The following ADAMTS6 variants were observed in gnomAD, a reference collection of about 807,000 sequenced individuals.
The protein encoded by ADAMTS6 is A disintegrin and metalloproteinase with thrombospondin motifs 6.
In ADAMTS6, 23 loss-of-function variants were observed where a neutral mutation model predicts 144.3. That is an observed-to-expected ratio of 0.16 (90% CI 0.11 to 0.23). The LOEUF is 0.23. Ranked by LOEUF, ADAMTS6 falls within the 10% of genes least tolerant of loss-of-function variation. ADAMTS6 has a pLI of 1.00. For synonymous variants in ADAMTS6, 444 were observed against 457.5 expected (o/e 0.97, Z 0.38); for missense variants, 999 against 1,379.6 (o/e 0.72, Z 4.37).
chr5:65,399,375 T>C (rs879736834), intron 7 of ADAMTS6, among the ~76,000 whole-genome samples: 1 of 152,248 alleles, frequency 6.6e-6, no homozygotes, highest in Admixed American at 6.5e-5. Flanking sequence ...TCACAATATT[T>C]ATTAATACAG....
At chr5:65,206,744 T>C (rs1756115829) in intron 20 of ADAMTS6, among the ~76,000 whole-genome samples, 1 of 137,372 alleles carries the variant, frequency 7.3e-6, no homozygotes, top group Non-Finnish European at 1.6e-5. Context: ...ACTCAAAAAG[T>C]AAAATAAAAA....
intron 7 of ADAMTS6, among the ~76,000 whole-genome samples, chr5:65,414,443 A>G (rs1755325880): frequency 6.6e-6 from 1 of 152,096 alleles, no homozygotes; most frequent in African/African-American, 2.4e-5. Flanking sequence ...GGTCAAGGGA[A>G]AGATTTTGCC....
Position 65,452,773 on chromosome 5 carries a change from G to A in ADAMTS6, c.777C>T (p.Asp259=). ...GGCCATGGTAGCCCACCATCATTTT[G>A]TCTGCCACTACCAATGTCTCCACAA... ...ERFVETLVVA[D]KMMVGYHGRK... Residue 259 remains aspartate, a synonymous_variant, in exon 5 of 25, where the codon GAC becomes GAT. Coordinates refer to ENST00000381055, the MANE Select transcript of ADAMTS6 (RefSeq NM_197941.4). 6.2e-7 allele frequency: 1 copy of A among 1,614,028 alleles called. No individual in the cohort carries two copies. The highest frequency in any genetic ancestry group is 1.6e-4 in the Middle Eastern group (1 of 6,062).
intron 21 of ADAMTS6, among the ~76,000 whole-genome samples, chr5:65,190,629 G>A (rs1317766123): frequency 6.6e-6 from 1 of 152,164 alleles, no homozygotes; most frequent in East Asian, 1.9e-4. Context: ...GTTGCAAAGG[G>A]TCAGGGACAC....
chr5:65,351,587 T>C (rs550815091), intron 7 of ADAMTS6, among the ~76,000 whole-genome samples: 1 of 152,264 alleles, frequency 6.6e-6, no homozygotes, highest in South Asian at 2.1e-4. Context: ...AATGACCTTA[T>C]TATATGTGGA....
intron 14 of ADAMTS6, among the ~76,000 whole-genome samples, chr5:65,252,939 G>C (rs1053577098): frequency 6.6e-6 from 1 of 151,922 alleles, no homozygotes; most frequent in African/African-American, 2.4e-5. Context: ...ACCCAGGCTG[G>C]AGGGTAGTGA....
chr5:65,280,475 C>T (rs1762903713), intron 11 of ADAMTS6, among the ~76,000 whole-genome samples: 1 of 152,080 alleles, frequency 6.6e-6, no homozygotes, highest in African/African-American at 2.4e-5. Flanking sequence ...TATAAAAAGA[C>T]CTTTCTTTAG....
intron 7 of ADAMTS6, among the ~76,000 whole-genome samples, chr5:65,356,090 T>C (rs1224188888): frequency 6.6e-6 from 1 of 151,828 alleles, no homozygotes; most frequent in Non-Finnish European, 1.5e-5. Context: ...CTCCTGCATT[T>C]AGTAGACATA....
intron 4 of ADAMTS6, among the ~76,000 whole-genome samples, chr5:65,457,918 G>A (rs1225049791): frequency 6.6e-6 from 1 of 151,238 alleles, no homozygotes; most frequent in African/African-American, 2.4e-5. Flanking sequence ...GTAGAGACGG[G>A]GTTTCACCAT....
At chr5:65,173,690 C>A (rs930613021) in intron 22 of ADAMTS6, among the ~76,000 whole-genome samples, 1 of 152,128 alleles carries the variant, frequency 6.6e-6, no homozygotes, top group African/African-American at 2.4e-5. Flanking sequence ...TGACTTGAGT[C>A]TTCCAGCTTT....
intron 9 of ADAMTS6, among the ~76,000 whole-genome samples, chr5:65,304,755 C>CA (rs941925893): frequency 1.1e-3 from 164 of 149,684 alleles, no homozygotes; most frequent in African/African-American, 3.1e-3. Context: ...TTAAAAACAG[C>CA]AAAAAAAAAT....
chr5:65,152,008 C>A, intron 24 of ADAMTS6, 63 bp from the exon 25 acceptor site: 1 of 1,399,682 alleles, frequency 7.1e-7, no homozygotes. Context: ...CATAAACAAG[C>A]CGATGGGCCT....
At chr5:65,397,095 T>C (rs1020712573) in intron 7 of ADAMTS6, among the ~76,000 whole-genome samples, 12 of 152,288 alleles carry the variant, frequency 7.9e-5, no homozygotes, top group African/African-American at 2.9e-4. Context: ...ATTAGTACAT[T>C]TCTTCTCTGT....
intron 9 of ADAMTS6, among the ~76,000 whole-genome samples, chr5:65,300,426 A>G (rs28602551): frequency 0.028 from 4,200 of 152,300 alleles, 191 homozygotes; most frequent in African/African-American, 0.096. Context: ...CTTACTTTAT[A>G]AATTAGAAAA....
At chr5:65,408,314 C>CTA (rs1257291996) in intron 7 of ADAMTS6, among the ~76,000 whole-genome samples, 1 of 151,890 alleles carries the variant, frequency 6.6e-6, no homozygotes, top group African/African-American at 2.4e-5. Flanking sequence ...ATCTACCAAG[C>CTA]AAATGGAAAA....
chr5:65,182,817 T>C (rs769489233), intron 22 of ADAMTS6, among the ~76,000 whole-genome samples: 4 of 152,176 alleles, frequency 2.6e-5, no homozygotes, highest in Non-Finnish European at 5.9e-5. Flanking sequence ...TTTTATCTTA[T>C]AGTAACAGAG....
intron 7 of ADAMTS6, among the ~76,000 whole-genome samples, chr5:65,426,384 C>T (rs903229583): frequency 6.6e-6 from 1 of 151,952 alleles, no homozygotes; most frequent in Non-Finnish European, 1.5e-5. Flanking sequence ...AATTAGCCTA[C>T]TTTTATCACT....
chr5:65,454,256 A>G (rs562390913), intron 4 of ADAMTS6, among the ~76,000 whole-genome samples: 1 of 152,334 alleles, frequency 6.6e-6, no homozygotes, highest in Admixed American at 6.5e-5. Context: ...TAAATTATCC[A>G]GTCTCAGGTA....
chr5:65,212,912 CA>C (rs1212873136), intron 20 of ADAMTS6, among the ~76,000 whole-genome samples: 3 of 152,156 alleles, frequency 2.0e-5, no homozygotes, highest in African/African-American at 7.2e-5. Context: ...CACCTTGCCT[CA>C]GGGCCTGAAT....
Sources: allele counts gnomAD v4.1 joint callset (sites outside exome capture counted in the v4.1 genomes callset), GRCh38; gene constraint gnomAD v4.1.1; transcripts MANE v1.5; gene names NCBI Gene and HGNC (gene_info 2026-07-23, HGNC 2026-07-21).